Variants in PCDH15 observed in about 807,000 individuals in gnomAD.
PCDH15 encodes protocadherin-15.
PCDH15 carries 129 observed loss-of-function variants against 178.5 expected under a neutral mutation model. The observed-to-expected ratio is 0.72, with a 90% confidence interval of 0.63 to 0.84. The LOEUF is 0.84. Ranked by LOEUF, PCDH15 falls within the 40% of genes least tolerant of loss-of-function variation. PCDH15 has a pLI of 0.00. For synonymous variants in PCDH15, 800 were observed against 732.0 expected (o/e 1.09, Z -1.50); for missense variants, 2,230 against 2,099.9 (o/e 1.06, Z -1.21).
chr10:54,391,008 A>G (rs918376122), intron 3 of PCDH15, among the ~76,000 whole-genome samples: 1 of 152,180 alleles, frequency 6.6e-6, no homozygotes, highest in Non-Finnish European at 1.5e-5. Context: ...TCATAAAAAG[A>G]TGGGCTCCTT....
intron 2 of PCDH15, among the ~76,000 whole-genome samples, chr10:54,662,234 G>A (rs1297186883): frequency 1.3e-5 from 2 of 151,678 alleles, no homozygotes; most frequent in Non-Finnish European, 2.9e-5. Flanking sequence ...TAATAAGTGA[G>A]GAAAGAATGT....
chr10:55,091,002 A>ATAGATACTGT (rs1231112023), intron 2 of PCDH15, among the ~76,000 whole-genome samples: 1 of 151,990 alleles, frequency 6.6e-6, no homozygotes, highest in Non-Finnish European at 1.5e-5. Flanking sequence ...TGAGATCATC[A>ATAGATACTGT]TAGATACTGT....
chr10:54,034,064 A>G (rs80229025), intron 18 of PCDH15, among the ~76,000 whole-genome samples: 4,201 of 152,014 alleles, frequency 0.028, 196 homozygotes, highest in African/African-American at 0.097. Flanking sequence ...TGACAGCCAG[A>G]TTGGATTCTC....
chr10:54,723,872 A>G (rs1942058482), intron 1 of PCDH15, among the ~76,000 whole-genome samples: 1 of 151,796 alleles, frequency 6.6e-6, no homozygotes, highest in Non-Finnish European at 1.5e-5. Flanking sequence ...GGTTAATATT[A>G]AAAGTCAAAA....
At chr10:54,618,036 A>C (rs767589039) in intron 2 of PCDH15, among the ~76,000 whole-genome samples, 1 of 152,066 alleles carries the variant, frequency 6.6e-6, no homozygotes. Flanking sequence ...CTTTGTTTTC[A>C]AGATATATTA....
intron 1 of PCDH15, among the ~76,000 whole-genome samples, chr10:55,241,630 T>A (rs113359044): frequency 0.011 from 1,684 of 152,150 alleles, 31 homozygotes; most frequent in African/African-American, 0.037. Flanking sequence ...ACTATGTTGC[T>A]CAGGCTGGTC....
chr10:53,873,922 CA>C (rs1461979567), intron 26 of PCDH15, among the ~76,000 whole-genome samples: 1 of 152,118 alleles, frequency 6.6e-6, no homozygotes, highest in Admixed American at 6.6e-5. Context: ...GAAACGCAGC[CA>C]TCCATGAACC....
At chr10:55,576,464 T>C (rs984574244) in intron 2 of PCDH15, among the ~76,000 whole-genome samples, 1 of 152,168 alleles carries the variant, frequency 6.6e-6, no homozygotes, top group Non-Finnish European at 1.5e-5. Flanking sequence ...TCGTATTGTT[T>C]AAGGGTCAAC....
chr10:54,099,601 A>ACAT (rs2094772017), intron 15 of PCDH15, among the ~76,000 whole-genome samples: 1 of 151,062 alleles, frequency 6.6e-6, no homozygotes, highest in Admixed American at 6.6e-5. Context: ...TAAGCCCCAC[A>ACAT]CATCACAGCA....
chr10:54,813,686 A>G (rs2133732169), intron 3 of PCDH15, among the ~76,000 whole-genome samples: 1 of 152,302 alleles, frequency 6.6e-6, no homozygotes, highest in East Asian at 1.9e-4. Context: ...AGACTACAGC[A>G]ATCGTCTCTT....
At chr10:54,183,826 G>A (rs1377746594) in intron 12 of PCDH15, among the ~76,000 whole-genome samples, 2 of 152,090 alleles carry the variant, frequency 1.3e-5, no homozygotes, top group African/African-American at 4.8e-5. Flanking sequence ...TTCAACTCCA[G>A]GCATATTTTA....
At chr10:53,938,747 T>C (rs1172770340) in intron 25 of PCDH15, 68 bp downstream of exon 25, 1 of 1,473,042 alleles carries the variant, frequency 6.8e-7, no homozygotes, top group South Asian at 1.1e-5. Flanking sequence ...TAGACATAGG[T>C]ATTTCATTTA....
At chr10:53,992,203 C>T (rs1029695755) in intron 21 of PCDH15, among the ~76,000 whole-genome samples, 5 of 152,112 alleles carry the variant, frequency 3.3e-5, no homozygotes, top group African/African-American at 1.2e-4. Context: ...CAAAGGTCTG[C>T]AGTTTCACTG....
intron 2 of PCDH15, among the ~76,000 whole-genome samples, chr10:54,975,080 T>C (rs1275716855): frequency 6.6e-6 from 1 of 152,206 alleles, no homozygotes; most frequent in Non-Finnish European, 1.5e-5. Flanking sequence ...GTGAACACCT[T>C]GAGCACTTTC....
intron 2 of PCDH15, among the ~76,000 whole-genome samples, chr10:54,929,583 C>T (rs565589119): frequency 2.9e-4 from 44 of 152,246 alleles, no homozygotes; most frequent in African/African-American, 5.8e-4. Flanking sequence ...GTTGTGACAA[C>T]GGAAAATTGT....
chr10:53,813,857 T>C (rs2075966622), intron 35 of PCDH15, among the ~76,000 whole-genome samples: 1 of 152,152 alleles, frequency 6.6e-6, no homozygotes, highest in Non-Finnish European at 1.5e-5. Context: ...AAAACTGATA[T>C]CTAGGTGTTG....
intron 1 of PCDH15, among the ~76,000 whole-genome samples, chr10:54,673,077 A>T (rs76823425): frequency 0.1 from 15,166 of 147,964 alleles, 862 homozygotes; most frequent in African/African-American, 0.16. Flanking sequence ...CATGTCATTT[A>T]AAAAAAAAAT....
At chr10:54,204,365 AG>A (rs11312027) in intron 10 of PCDH15, among the ~76,000 whole-genome samples, 121,574 of 147,586 alleles carry the variant, frequency 0.82, 49,838 homozygotes, top group East Asian at 0.96. Context: ...AAAAAAAAAA[AG>A]AGAAAAGTAA....
chr10:53,871,912 G>A (rs1275363376), intron 26 of PCDH15, among the ~76,000 whole-genome samples: 1 of 151,990 alleles, frequency 6.6e-6, no homozygotes, highest in Non-Finnish European at 1.5e-5. Flanking sequence ...TTGGGAGGCT[G>A]AGGCGGGCGG....
Sources: allele counts gnomAD v4.1 joint callset (sites outside exome capture counted in the v4.1 genomes callset), GRCh38; gene constraint gnomAD v4.1.1; transcripts MANE v1.5; gene names NCBI Gene and HGNC (gene_info 2026-07-23, HGNC 2026-07-21).